NRXN1: variants seen among roughly 807,000 people sequenced by gnomAD.
NRXN1 encodes neurexin-1.
NRXN1 carries 39 observed loss-of-function variants against 150.9 expected under a neutral mutation model. That is an observed-to-expected ratio of 0.26 (90% CI 0.20 to 0.34). The LOEUF is 0.34. Ranked by LOEUF, NRXN1 falls within the 10% of genes least tolerant of loss-of-function variation. The pLI is 1.00. For missense variants in NRXN1, 1,815 were observed against 1,949.9 expected (o/e 0.93, Z 1.30); for synonymous variants, 924 against 757.0 (o/e 1.22, Z -3.62).
chr2:50,081,489 T>C (rs1697957046), intron 19 of NRXN1, among the ~76,000 whole-genome samples: 2 of 152,182 alleles, frequency 1.3e-5, no homozygotes, highest in South Asian at 4.1e-4. Flanking sequence ...GAAGTGGAGG[T>C]TGCAGTGAGC....
chr2:50,151,443 C>T lies in NRXN1; in HGVS notation c.3547-59949G>A, dbSNP rs537431012. Among the ~76,000 whole-genome samples, 314 of 151,660 alleles carry T rather than the reference C, an allele frequency of 2.1e-3. 2 individuals carry two copies. Among genetic ancestry groups the T allele is most frequent in the African/African-American group, 7.3e-3 (304 of 41,424 alleles). ...ATGCACCAGTATAGCATTCTTATTT[C>T]CCCATGTTTCTTCTCTAATCACCCT... On this transcript the variant is annotated intron_variant, in intron 18 of 22. Transcript: ENST00000401669.
At chr2:51,014,140 C>T (rs893627702) in intron 2 of NRXN1, among the ~76,000 whole-genome samples, 2 of 152,010 alleles carry the variant, frequency 1.3e-5, no homozygotes, top group Admixed American at 6.6e-5. Flanking sequence ...ACTGAAAGTG[C>T]AGTGATGCTG....
In NRXN1 at chr2:50,623,307, C is replaced by T; in HGVS notation, c.1134+7G>A. On this transcript the variant is annotated splice_region_variant and intron_variant, in intron 6 of 22. Coordinates refer to ENST00000401669, the MANE Select transcript of NRXN1 (RefSeq NM_001330078.2). ...GCCAGTTACTCTCTTATCCACTGCG[C>T]TGTTACCTGACGCAGATTCCTGGTG... The T allele has an allele frequency of 6.2e-7, 1 of 1,610,266 alleles. No homozygotes were observed. Among genetic ancestry groups the T allele is most frequent in the Non-Finnish European group, 8.5e-7 (1 of 1,177,040 alleles).
At chr2:49,923,106 T>C (rs1668510029) in intron 22 of NRXN1, among the ~76,000 whole-genome samples, 1 of 152,288 alleles carries the variant, frequency 6.6e-6, no homozygotes, top group East Asian at 1.9e-4. Context: ...ATGAGACCAA[T>C]GGATTTTGGG....
chr2:50,724,249 T>C (rs1162928443), intron 5 of NRXN1, among the ~76,000 whole-genome samples: 4 of 152,154 alleles, frequency 2.6e-5, no homozygotes, highest in African/African-American at 4.8e-5. Context: ...TACAGTACTA[T>C]ATAAGGTGCT....
chr2:50,965,704 G>C (rs1693956926), intron 2 of NRXN1, among the ~76,000 whole-genome samples: 1 of 151,296 alleles, frequency 6.6e-6, no homozygotes, highest in Non-Finnish European at 1.5e-5. Context: ...TTTTAATGCT[G>C]ACAAGAAATT....
chr2:50,021,417 T>C (rs1687550750), intron 21 of NRXN1, among the ~76,000 whole-genome samples: 1 of 152,138 alleles, frequency 6.6e-6, no homozygotes, highest in African/African-American at 2.4e-5. Flanking sequence ...AATGACAAAA[T>C]CAAGTGTAAG....
chr2:50,448,228 G>T (rs985657293), intron 17 of NRXN1, among the ~76,000 whole-genome samples: 4 of 152,012 alleles, frequency 2.6e-5, no homozygotes, highest in Non-Finnish European at 5.9e-5. Context: ...CATTAGCTGT[G>T]GATACACCAC....
chr2:50,675,232 C>G (rs761742989), intron 5 of NRXN1, among the ~76,000 whole-genome samples: 8 of 152,096 alleles, frequency 5.3e-5, no homozygotes, highest in Non-Finnish European at 1.2e-4. Flanking sequence ...TATTGACTTA[C>G]AGCAAGACAG....
intron 5 of NRXN1, among the ~76,000 whole-genome samples, chr2:50,683,646 A>AAAAAAAAAATATATATATATATATAT: frequency 2.7e-4 from 4 of 14,900 alleles, no homozygotes; most frequent in African/African-American, 7.2e-4. Context: ...AAAAAAAAAA[A>AAAAAAAAAATATATATATATATATAT]ATATATATAT....
chr2:50,252,758 T>G (rs1408305825), intron 17 of NRXN1, among the ~76,000 whole-genome samples: 1 of 152,170 alleles, frequency 6.6e-6, no homozygotes, highest in East Asian at 1.9e-4. Flanking sequence ...CTGAGATCTC[T>G]AAACTGTTCC....
At chr2:51,003,027 T>C (rs1251554411) in intron 2 of NRXN1, among the ~76,000 whole-genome samples, 1 of 151,946 alleles carries the variant, frequency 6.6e-6, no homozygotes, top group East Asian at 1.9e-4. Context: ...CTGAAAGAAC[T>C]GGTGAATTTA....
intron 22 of NRXN1, among the ~76,000 whole-genome samples, chr2:49,942,667 T>G (rs1572962602): frequency 6.6e-6 from 1 of 152,060 alleles, no homozygotes; most frequent in East Asian, 1.9e-4. Flanking sequence ...TGAAGTGCAG[T>G]GGCGTGATCT....
intron 5 of NRXN1, among the ~76,000 whole-genome samples, chr2:50,764,290 G>A (rs10196866): frequency 0.017 from 2,621 of 151,966 alleles, 79 homozygotes; most frequent in African/African-American, 0.058. Context: ...AAGCAAATGT[G>A]TTCCTAAAAA....
At chr2:50,191,560 C>A (rs2061445106) in intron 18 of NRXN1, among the ~76,000 whole-genome samples, 3 of 152,084 alleles carry the variant, frequency 2.0e-5, no homozygotes. Context: ...CTCTTGCTAC[C>A]TCTCTTTGGC....
intron 2 of NRXN1, among the ~76,000 whole-genome samples, chr2:50,947,151 G>C (rs12713123): frequency 0.24 from 36,969 of 151,914 alleles, 5,914 homozygotes; most frequent in East Asian, 0.52. Flanking sequence ...CATGTATTTT[G>C]ATATAGAAGT....
At chr2:49,934,326 A>T (rs1463798878) in intron 22 of NRXN1, among the ~76,000 whole-genome samples, 2 of 152,046 alleles carry the variant, frequency 1.3e-5, no homozygotes, top group Non-Finnish European at 2.9e-5. Flanking sequence ...TCCAAAGGAG[A>T]CTTTCCACTG....
intron 9 of NRXN1, among the ~76,000 whole-genome samples, chr2:50,545,557 T>A (rs2093475767): frequency 6.6e-6 from 1 of 152,164 alleles, no homozygotes; most frequent in Non-Finnish European, 1.5e-5. Flanking sequence ...CAGGTTTGAC[T>A]GATATTTACT....
intron 17 of NRXN1, among the ~76,000 whole-genome samples, chr2:50,317,437 C>A (rs1049607472): frequency 1.3e-5 from 2 of 151,524 alleles, no homozygotes; most frequent in African/African-American, 2.4e-5. Flanking sequence ...TCAACACTTA[C>A]AATGGAAGCT....
Sources: allele counts gnomAD v4.1 joint callset (sites outside exome capture counted in the v4.1 genomes callset), GRCh38; gene constraint gnomAD v4.1.1; transcripts MANE v1.5; gene names NCBI Gene and HGNC (gene_info 2026-07-23, HGNC 2026-07-21).